DMBT1: variants seen among roughly 807,000 people sequenced by gnomAD.
The protein encoded by DMBT1 is deleted in malignant brain tumors 1.
In DMBT1, 198 loss-of-function variants were observed where a neutral mutation model predicts 252.9. The ratio of observed to expected loss-of-function variants is 0.78; its 90% CI spans 0.70 to 0.88. DMBT1 has a LOEUF of 0.88. Among genes scored for constraint, DMBT1 ranks in the 40% least tolerant of loss-of-function variants. The pLI, the probability that DMBT1 is intolerant of heterozygous loss-of-function variation, is 0.00. For missense variants in DMBT1, 2,432 were observed against 2,404.7 expected, an observed-to-expected ratio of 1.01 and a Z score of -0.24; for synonymous variants, 990 against 942.7, an observed-to-expected ratio of 1.05 and a Z score of -0.92.
Position 122,618,157 on chromosome 10 carries a change from C to A in DMBT1, c.5032C>A (p.Gln1678Lys), listed in dbSNP as rs1420718206. Reference sequence around the variant, plus strand: ...CAATGATGCCAACGTGGTCTGCAGGCAGCTGGGCTGTGGCTGGGCCATGTC... The same window carrying A: ...CAATGATGCCAACGTGGTCTGCAGGAAGCTGGGCTGTGGCTGGGCCATGTC... ...DTNDANVVCR[Q>K]LGCGWAMSAP... Residue 1678 changes from glutamine to lysine, a missense_variant, in exon 41 of 56, where the codon CAG becomes AAG. By Grantham distance (53) the Gln-to-Lys change is moderately conservative. Around this residue, in one of 3 missense-constraint regions of DMBT1, gnomAD observed 1,162 missense variants for 1,169.0 expected, o/e 0.99. Transcript: ENST00000338354. 2 of 1,613,886 alleles carry A rather than the reference C, an allele frequency of 1.2e-6. No homozygotes were observed. The highest frequency in any genetic ancestry group is 1.7e-6 in the Non-Finnish European group (2 of 1,179,888).
At position 122,576,395 on chromosome 10, in the gene DMBT1, C is replaced by T. The variant is rs1257276809; in HGVS notation, c.284-4C>T. On this transcript the variant is annotated splice_region_variant and splice_polypyrimidine_tract_variant and intron_variant, in intron 6 of 55. Coordinates refer to ENST00000338354, the MANE Select transcript of DMBT1 (RefSeq NM_001377530.1). ...TGCAAGAGAAATTCTGTGCCTTCCT[C>T]TAGGATCTGATTCTGGTTTGGCCCT... is the stretch of plus-strand genomic sequence containing the variant. 2 of 1,613,252 alleles carry T rather than the reference C, an allele frequency of 1.2e-6. No individual in the cohort carries two copies. Among genetic ancestry groups the T allele is most frequent in the Admixed American group, 1.7e-5 (1 of 59,992 alleles).
In DMBT1 at chr10:122,576,472, C is replaced by T. The variant is rs1275085388; in HGVS notation, c.357C>T (p.Tyr119=). 1.2e-5 allele frequency: 20 copies of T among 1,613,866 alleles called. No homozygotes were observed. The highest frequency in any genetic ancestry group is 1.7e-5 in the Non-Finnish European group (20 of 1,179,890). Residue 119 remains tyrosine (Y), a synonymous_variant, in exon 7 of 56, where the codon TAC becomes TAT. Coordinates refer to ENST00000338354, the MANE Select transcript of DMBT1 (RefSeq NM_001377530.1). ...GTCAGGGCCGAGTGGAGATCCTATACCGAGGCTCCTGGGGCACCGTGTGTG... is the reference window on the plus strand; with the variant it reads ...GTCAGGGCCGAGTGGAGATCCTATATCGAGGCTCCTGGGGCACCGTGTGTG... The part of the protein sequence containing the change: ...GRCQGRVEIL[Y]RGSWGTVCDD...
intron 15 of DMBT1, 136 bp from the exon 16 acceptor site, chr10:122,585,924 T>C (rs1379880509): frequency 6.7e-7 from 1 of 1,487,132 alleles, no homozygotes; most frequent in Non-Finnish European, 9.0e-7. Context: ...GCTGAATCTC[T>C]GGTTTTATTC....
At position 122,570,161 on chromosome 10, in the gene DMBT1, GC is replaced by G; in HGVS notation, c.92del (p.Ala31ValfsTer3). 1.3e-6 allele frequency: 2 copies of G among 1,592,664 alleles called. No homozygotes were observed. Among genetic ancestry groups the G allele is most frequent in the Non-Finnish European group, 1.7e-6 (2 of 1,160,582 alleles). On this transcript the variant is annotated frameshift_variant and splice_region_variant, in exon 3 of 56. Coordinates refer to ENST00000338354, the MANE Select transcript of DMBT1 (RefSeq NM_001377530.1). LOFTEE classifies it high-confidence loss of function. The part of the protein sequence containing the change: ...GGWIPRTTDY[A>X]SLIPSEVPLD... ...TGAGCTCTTCCTTTTCCACCTCGCAGCTTCACTGATTCCCTCGGAGGTGCCC... is the reference window on the plus strand; with the variant it reads ...TGAGCTCTTCCTTTTCCACCTCGCAGTTCACTGATTCCCTCGGAGGTGCCC...
intron 19 of DMBT1, 66 bp from the exon 20 acceptor site, chr10:122,592,205 GT>G: frequency 6.4e-7 from 1 of 1,564,118 alleles, no homozygotes; most frequent in South Asian, 1.2e-5. Flanking sequence ...TACCCTGAGT[GT>G]GGAACGTGCC....
intron 3 of DMBT1, 142 bp downstream of exon 3, chr10:122,570,351 A>G (rs1036367273): frequency 9.4e-6 from 7 of 745,876 alleles, no homozygotes; most frequent in South Asian, 6.7e-5. Context: ...CCAGGCTACA[A>G]TGCCTGGGGT....
rs200632336 is a variant in DMBT1, at chr10:122,617,244, T to A, written c.4875T>A (p.Ser1625=). 3.5e-4 allele frequency: 556 copies of A among 1,609,000 alleles called. 10 individuals are homozygous for A. The highest frequency in any genetic ancestry group is 1.5e-3 in the Middle Eastern group (9 of 6,020). Residue 1625 remains serine (S), a synonymous_variant, in exon 40 of 56, where the codon TCT becomes TCA. Coordinates refer to ENST00000338354, the MANE Select transcript of DMBT1 (RefSeq NM_001377530.1). The part of the protein sequence containing the change: ...PTPSPDTWPT[S]RASTAGSEST... ...TATTTACAGACACTTGGCCAACCTC[T>A]CGTGCATCAACAGCAGGTAAACAAT... is the stretch of plus-strand genomic sequence containing the variant.
At chr10:122,641,938 G>A (rs1482679297) in intron 55 of DMBT1, among the ~76,000 whole-genome samples, 1 of 147,200 alleles carries the variant, frequency 6.8e-6, no homozygotes, top group Non-Finnish European at 1.5e-5. Flanking sequence ...GTTTGGCCTG[G>A]TGGGGCTTGG....
rs185045706 is a variant in DMBT1 at position 122,572,320 on chromosome 10, C to T, written c.194C>T (p.Pro65Leu). 3,306 of 1,613,176 alleles carry T rather than the reference C, an allele frequency of 2.0e-3. 6 individuals carry two copies. Among genetic ancestry groups the T allele is most frequent in the Non-Finnish European group, 2.4e-3 (2,790 of 1,179,344 alleles). The change falls in exon 5 of 56, where the codon CCG (proline) becomes CTG (leucine). Residue 65 changes from proline to leucine, a missense_variant. Pro to Leu is a moderately conservative substitution (Grantham distance 98, BLOSUM62 -3). Coordinates refer to ENST00000338354, the MANE Select transcript of DMBT1 (RefSeq NM_001377530.1). ...TLESTVAEGS[P>L]ISLESTLEST... ...TCCTTTCTCCACCCTGCAGGTTCTC[C>T]GATTTCCTTGGAGTCAACCCTGGAG...
intron 40 of DMBT1, among the ~76,000 whole-genome samples, 151 bp downstream of exon 40, chr10:122,617,411 C>G (rs534969534): frequency 9.6e-4 from 144 of 150,758 alleles, no homozygotes; most frequent in Middle Eastern, 3.5e-3. Context: ...GGGAGTCAGC[C>G]CTGGGTTTGA....
At chr10:122,635,478 G>A (rs1048525830) in intron 52 of DMBT1, among the ~76,000 whole-genome samples, 9 of 152,162 alleles carry the variant, frequency 5.9e-5, no homozygotes, top group African/African-American at 2.2e-4. Flanking sequence ...TAAGACCCAG[G>A]CATGGAGGTT....
chr10:122,618,480 G>A (rs1217372609), intron 41 of DMBT1, 140 bp downstream of exon 41: 1 of 1,476,062 alleles, frequency 6.8e-7, no homozygotes, highest in Non-Finnish European at 9.0e-7. Flanking sequence ...TCTCTGCTAA[G>A]AATCTTTATG....
chr10:122,629,398 C>T (rs1324662800), intron 46 of DMBT1, among the ~76,000 whole-genome samples: 1 of 152,168 alleles, frequency 6.6e-6, no homozygotes, highest in African/African-American at 2.4e-5. Flanking sequence ...CGTTGTGCTA[C>T]TTGTGAATTG....
intron 1 of DMBT1, among the ~76,000 whole-genome samples, chr10:122,564,518 TGAAA>T (rs36027351): frequency 0.67 from 101,710 of 151,834 alleles, 34,419 homozygotes; most frequent in East Asian, 0.78. Flanking sequence ...AAAGGAATAA[TGAAA>T]GAAAGTATGC....
At chr10:122,597,218 C>T (rs2097890419) in intron 24 of DMBT1, among the ~76,000 whole-genome samples, 164 bp downstream of exon 24, 1 of 151,358 alleles carries the variant, frequency 6.6e-6, no homozygotes, top group African/African-American at 2.4e-5. Flanking sequence ...CTGAACCAGA[C>T]ATAGGGTTCA....
chr10:122,600,463 A>G (rs537161193), intron 27 of DMBT1, among the ~76,000 whole-genome samples: 23 of 152,190 alleles, frequency 1.5e-4, no homozygotes, highest in East Asian at 3.9e-4. Flanking sequence ...TCAAGGCATC[A>G]TCAGGGCAGG....
At chr10:122,643,036 C>A (rs1708367319) in intron 55 of DMBT1, 86 bp from the exon 56 acceptor site, 1 of 1,544,202 alleles carries the variant, frequency 6.5e-7, no homozygotes. Flanking sequence ...TGAGGACAGG[C>A]TGTGGAGTTC....
Position 122,592,454 on chromosome 10 carries a change from C to G in DMBT1, c.2359C>G (p.Arg787Gly), listed in dbSNP as rs200414440. The change falls in exon 20 of 56, where the codon CGG becomes GGG. Residue 787 changes from arginine to glycine, a missense_variant. Coordinates refer to ENST00000338354, the MANE Select transcript of DMBT1 (RefSeq NM_001377530.1). ...GGCCACGTCGGCCCCAGGAAATGCC[C>G]GGTTTGGCCAGGGCTCAGGACCCAT... ...GWATSAPGNARFGQGSGPIVL... is the reference protein window; with the variant it reads ...GWATSAPGNAGFGQGSGPIVL... 1.9e-6 allele frequency: 3 copies of G among 1,588,090 alleles called. 1 individual carries two copies. In the African/African-American group the frequency reaches 4.0e-5, roughly 21 times the overall value.
At chr10:122,638,619 T>C (rs1339095717) in intron 54 of DMBT1, among the ~76,000 whole-genome samples, 8 of 152,124 alleles carry the variant, frequency 5.3e-5, no homozygotes, top group East Asian at 1.9e-4. Flanking sequence ...TTAACAAATT[T>C]TTTTTTGTAG....
Sources: allele counts gnomAD v4.1 joint callset (sites outside exome capture counted in the v4.1 genomes callset), GRCh38; gene constraint gnomAD v4.1.1; regional missense constraint gnomAD v4.1.1; transcripts MANE v1.5; gene names NCBI Gene and HGNC (gene_info 2026-07-23, HGNC 2026-07-21).